Variants in ZCCHC4 observed in about 807,000 individuals in gnomAD.
ZCCHC4 encodes zinc finger CCHC-type containing 4.
Under a neutral mutation model 67.7 loss-of-function variants are expected in ZCCHC4, and 54 were observed. The observed-to-expected ratio is 0.80, with a 90% CI of 0.64 to 1.00. The LOEUF (loss-of-function observed/expected upper bound fraction) is 1.00. Ranked by LOEUF, ZCCHC4 falls within the 50% of genes least tolerant of loss-of-function variation. The pLI, the probability that ZCCHC4 is intolerant of heterozygous loss-of-function variation, is 0.00. For synonymous variants in ZCCHC4, 198 were observed against 213.5 expected (o/e 0.93, Z 0.63); for missense variants, 609 against 617.0 (o/e 0.99, Z 0.14).
intron 3 of ZCCHC4, among the ~76,000 whole-genome samples, chr4:25,318,804 C>G (rs1287078610): frequency 1.4e-5 from 2 of 145,204 alleles, no homozygotes; most frequent in Admixed American, 7.0e-5. Flanking sequence ...TTTTGGGGGG[C>G]CATAATTTCA....
In ZCCHC4 at chr4:25,338,768, C is replaced by T. The variant is rs192844252; in HGVS notation, c.686+4780C>T. 3.2e-4 allele frequency among the ~76,000 whole-genome samples: 48 copies of T among 152,250 alleles called. No homozygotes were observed. The South Asian group carries it at 6.6e-3, about 21-fold the overall frequency. Reference sequence around the variant, plus strand: ...TTTGGCTGAATAATATTCTACTATACGGATATACCAAATTTTGTTTATCTT... The same window carrying T: ...TTTGGCTGAATAATATTCTACTATATGGATATACCAAATTTTGTTTATCTT... On this transcript the variant is annotated intron_variant, in intron 5 of 12. Coordinates refer to ENST00000302874, the MANE Select transcript of ZCCHC4 (RefSeq NM_024936.3).
intron 3 of ZCCHC4, among the ~76,000 whole-genome samples, chr4:25,329,785 G>T (rs146503555): frequency 6.6e-6 from 1 of 151,640 alleles, no homozygotes; most frequent in South Asian, 2.1e-4. Flanking sequence ...TGCCTGCCTC[G>T]GCCTCCCATA....
At chr4:25,317,454 G>A (rs2055887) in intron 3 of ZCCHC4, among the ~76,000 whole-genome samples, 66,665 of 151,772 alleles carry the variant, frequency 0.44, 16,479 homozygotes, top group Non-Finnish European at 0.56. Flanking sequence ...GCTCATACCT[G>A]TAATTCCAGC....
intron 3 of ZCCHC4, among the ~76,000 whole-genome samples, chr4:25,323,603 G>A (rs78891980): frequency 1.3e-5 from 2 of 152,164 alleles, no homozygotes; most frequent in Non-Finnish European, 2.9e-5. Flanking sequence ...GGGGGAAGGA[G>A]GCAATAACCA....
At chr4:25,346,845 C>T (rs893180812) in intron 6 of ZCCHC4, among the ~76,000 whole-genome samples, 2 of 144,210 alleles carry the variant, frequency 1.4e-5, no homozygotes, top group African/African-American at 5.6e-5. Context: ...AAGTCACTTG[C>T]CAGTGGATGA....
intron 5 of ZCCHC4, among the ~76,000 whole-genome samples, chr4:25,342,102 T>G (rs1012754740): frequency 2.0e-5 from 3 of 152,186 alleles, no homozygotes; most frequent in African/African-American, 7.2e-5. Context: ...GATAACGTAG[T>G]CTGTTATTGA....
chr4:25,313,934 A>G, intron 1 of ZCCHC4, 112 bp from the exon 2 acceptor site: 1 of 676,120 alleles, frequency 1.5e-6, no homozygotes, highest in East Asian at 2.5e-5. Flanking sequence ...TAATTATGAT[A>G]AATTGTGCCT....
intron 3 of ZCCHC4, among the ~76,000 whole-genome samples, chr4:25,329,504 C>T: frequency 6.9e-6 from 1 of 144,898 alleles, no homozygotes; most frequent in African/African-American, 2.5e-5. Context: ...TTTAACAAAC[C>T]TTTGTAGATT....
intron 3 of ZCCHC4, among the ~76,000 whole-genome samples, chr4:25,328,393 C>A (rs1030092236): frequency 1.3e-5 from 2 of 152,058 alleles, no homozygotes; most frequent in Non-Finnish European, 2.9e-5. Context: ...GCACCCACCA[C>A]CATGCCCAGC....
In ZCCHC4 at chr4:25,314,041, A is replaced by G. The variant is rs763383089; in HGVS notation, c.128-5A>G. 3.6e-6 allele frequency: 5 copies of G among 1,384,710 alleles called. No homozygotes were observed. Among genetic ancestry groups the G allele is most frequent in the Admixed American group, 4.1e-5 (2 of 48,598 alleles). The allele number at this position is 1,384,710 out of a possible 1,614,324, so 85.8% of individuals were successfully genotyped here. A position where few individuals can be genotyped will look rare whatever the true frequency, so the allele number is the denominator to read the frequency against. ...TTTTTTTTTTTTTTTCTATTCTGGA[A>G]CTAGGACCCACTCTTCTGTTTGTAA... is the stretch of plus-strand genomic sequence containing the variant. On this transcript the variant is annotated splice_polypyrimidine_tract_variant and splice_region_variant and intron_variant, in intron 1 of 12. Transcript: ENST00000302874.
At chr4:25,340,493 T>A (rs1719696325) in intron 5 of ZCCHC4, among the ~76,000 whole-genome samples, 1 of 152,178 alleles carries the variant, frequency 6.6e-6, no homozygotes, top group African/African-American at 2.4e-5. Context: ...TGCGTTTCCA[T>A]ATGAATGTTA....
At chr4:25,319,058 G>A (rs1008049239) in intron 3 of ZCCHC4, among the ~76,000 whole-genome samples, 3 of 152,320 alleles carry the variant, frequency 2.0e-5, no homozygotes, top group African/African-American at 7.2e-5. Flanking sequence ...TATAAAGTAA[G>A]GTGTGTTAAG....
chr4:25,356,941 A>G (rs1461588863), intron 8 of ZCCHC4, among the ~76,000 whole-genome samples: 4 of 152,184 alleles, frequency 2.6e-5, no homozygotes, highest in South Asian at 4.1e-4. Flanking sequence ...TGACTTCCCA[A>G]CATAATAATC....
chr4:25,352,198 C>T (rs992401121), intron 8 of ZCCHC4: 61 of 985,278 alleles, frequency 6.2e-5, no homozygotes, highest in South Asian at 1.9e-4. Flanking sequence ...GTGTTGATTC[C>T]GGGAGGAAGT....
chr4:25,329,680 G>T (rs1012285955), intron 3 of ZCCHC4, among the ~76,000 whole-genome samples: 1 of 151,586 alleles, frequency 6.6e-6, no homozygotes, highest in African/African-American at 2.4e-5. Flanking sequence ...GACTATAGGC[G>T]CATGCCACCA....
intron 10 of ZCCHC4, among the ~76,000 whole-genome samples, 199 bp downstream of exon 10, chr4:25,362,500 A>G (rs1003968162): frequency 3.3e-5 from 5 of 152,230 alleles, no homozygotes. Context: ...TGCCTTCATT[A>G]TCACGAACTC....
rs575874647 is a variant in ZCCHC4, at chr4:25,348,844, A to G, written c.760-648A>G. Among the ~76,000 whole-genome samples, 6 of 152,308 alleles carry G rather than the reference A, an allele frequency of 3.9e-5. No homozygotes were observed. In the East Asian group the frequency reaches 7.7e-4, roughly 20 times the overall value. On this transcript the variant is annotated intron_variant, in intron 6 of 12. Transcript: ENST00000302874. The stretch of plus-strand genomic sequence containing the variant: ...AACTTCACTTATAGCAAAAACCATT[A>G]AATGTCCCTGTTAATGTTTACTTTG...
chr4:25,324,396 G>T (rs1189865796), intron 3 of ZCCHC4, among the ~76,000 whole-genome samples: 1 of 152,076 alleles, frequency 6.6e-6, no homozygotes, highest in African/African-American at 2.4e-5. Context: ...TGATGTGTTT[G>T]TCAACAGTTC....
chr4:25,362,361 T>C, intron 10 of ZCCHC4, 60 bp downstream of exon 10: 2 of 1,151,288 alleles, frequency 1.7e-6, no homozygotes, highest in Non-Finnish European at 2.4e-6. Flanking sequence ...TTTAGTTTAC[T>C]AGTTTTATTA....
Sources: gnomAD v4.1 joint callset for allele counts (sites outside exome capture counted in the v4.1 genomes callset) on GRCh38, gnomAD v4.1.1 for gene constraint, MANE v1.5 for transcripts, NCBI Gene and HGNC (gene_info 2026-07-23, HGNC 2026-07-21) for gene names.